TAFA2: variants seen among roughly 807,000 people sequenced by gnomAD.
TAFA2 encodes TAFA chemokine like family member 2.
Under a neutral mutation model 18.8 loss-of-function variants are expected in TAFA2, and 7 were observed. That is an observed-to-expected ratio of 0.37 (90% CI 0.21 to 0.70). The LOEUF (loss-of-function observed/expected upper bound fraction) is 0.70. Ranked by LOEUF, TAFA2 falls within the 30% of genes least tolerant of loss-of-function variation. TAFA2 has a pLI of 0.53. For missense variants in TAFA2, 122 were observed against 158.1 expected, an observed-to-expected ratio of 0.77 and a Z score of 1.23; for synonymous variants, 60 against 54.2, an observed-to-expected ratio of 1.11 and a Z score of -0.47.
chr12:62,090,945 A>G (rs535073717), intron 1 of TAFA2, among the ~76,000 whole-genome samples: 19 of 152,148 alleles, frequency 1.2e-4, no homozygotes, highest in African/African-American at 4.6e-4. Context: ...TTTACCTCAT[A>G]TATACAGATA....
chr12:62,221,429 A>C (rs1321379386), intron 1 of TAFA2, among the ~76,000 whole-genome samples: 1 of 152,154 alleles, frequency 6.6e-6, no homozygotes. Context: ...AGATACTAAG[A>C]CTTATTACTG....
intron 1 of TAFA2, among the ~76,000 whole-genome samples, chr12:61,912,295 G>A (rs1195820189): frequency 2.0e-5 from 3 of 152,144 alleles, no homozygotes; most frequent in Non-Finnish European, 2.9e-5. Flanking sequence ...TATTTGTGCT[G>A]TTCAATGTGG....
intron 2 of TAFA2, among the ~76,000 whole-genome samples, chr12:61,841,816 C>A (rs986827421): frequency 6.6e-6 from 1 of 152,008 alleles, no homozygotes; most frequent in African/African-American, 2.4e-5. Flanking sequence ...TTGATTTTTA[C>A]ATAGTGTATC....
intron 4 of TAFA2, among the ~76,000 whole-genome samples, chr12:61,714,309 G>A (rs1161987881): frequency 6.6e-6 from 1 of 152,128 alleles, no homozygotes; most frequent in African/African-American, 2.4e-5. Context: ...TTATTTGTGT[G>A]TGCTGCACAC....
rs370270103 is a variant in TAFA2 at position 61,795,088 on chromosome 12, T to C, written c.107-40064A>G. The stretch of plus-strand genomic sequence containing the variant: ...TAAAAAGTCAGGAAACAACAGGTGC[T>C]GGAGAGGATGTGGAGAAATAGGAAC... On this transcript the variant is annotated intron_variant, in intron 2 of 4. Coordinates refer to ENST00000416284, the MANE Select transcript of TAFA2 (RefSeq NM_178539.5). Among the ~76,000 whole-genome samples the C allele has an allele frequency of 2.8e-3, 419 of 152,242 alleles. 2 individuals are homozygous for C. The highest frequency in any genetic ancestry group is 9.5e-3 in the African/African-American group (393 of 41,552).
chr12:62,203,158 CT>C (rs1182017887), intron 1 of TAFA2, among the ~76,000 whole-genome samples: 1 of 152,136 alleles, frequency 6.6e-6, no homozygotes, highest in East Asian at 1.9e-4. Context: ...GAGGGGGTTT[CT>C]TAAGTCTTGA....
intron 1 of TAFA2, among the ~76,000 whole-genome samples, chr12:62,114,424 C>A (rs1210265598): frequency 6.6e-6 from 1 of 152,178 alleles, no homozygotes; most frequent in Non-Finnish European, 1.5e-5. Flanking sequence ...CAAATAGGAG[C>A]TGTTCCTATT....
At chr12:62,228,076 C>A (rs2062795628) in intron 1 of TAFA2, among the ~76,000 whole-genome samples, 1 of 152,072 alleles carries the variant, frequency 6.6e-6, no homozygotes, top group African/African-American at 2.4e-5. Flanking sequence ...TGTGTACATA[C>A]ACACACACTT....
intron 1 of TAFA2, among the ~76,000 whole-genome samples, chr12:61,870,916 C>G (rs1874571845): frequency 6.6e-6 from 1 of 152,172 alleles, no homozygotes; most frequent in African/African-American, 2.4e-5. Flanking sequence ...ATATAAGATT[C>G]CTAAAGACAG....
chr12:61,886,781 T>C (rs1054039150), intron 1 of TAFA2, among the ~76,000 whole-genome samples: 8 of 152,180 alleles, frequency 5.3e-5, no homozygotes, highest in Non-Finnish European at 1.2e-4. Flanking sequence ...ATAGTATGGT[T>C]CATGAATTGG....
At chr12:61,930,000 T>A (rs963075668) in intron 1 of TAFA2, among the ~76,000 whole-genome samples, 2 of 141,486 alleles carry the variant, frequency 1.4e-5, no homozygotes, top group Admixed American at 1.4e-4. Flanking sequence ...CTCTGGGGAC[T>A]GTTGTGGGGT....
chr12:61,805,124 G>A (rs1421137870), intron 2 of TAFA2, among the ~76,000 whole-genome samples: 1 of 151,786 alleles, frequency 6.6e-6, no homozygotes, highest in Non-Finnish European at 1.5e-5. Context: ...TATATGTCTG[G>A]TATTTACAAG....
intron 4 of TAFA2, among the ~76,000 whole-genome samples, chr12:61,718,000 G>A (rs145249012): frequency 3.7e-4 from 56 of 152,254 alleles, no homozygotes; most frequent in South Asian, 2.5e-3. Context: ...ATAAAATGTC[G>A]TTTTGATGGC....
At chr12:61,923,942 A>G (rs1196253889) in intron 1 of TAFA2, among the ~76,000 whole-genome samples, 2 of 151,736 alleles carry the variant, frequency 1.3e-5, no homozygotes, top group Non-Finnish European at 2.9e-5. Flanking sequence ...TGAAACATAC[A>G]CAAGTATCAA....
At chr12:62,168,631 T>C (rs1167409028) in intron 1 of TAFA2, among the ~76,000 whole-genome samples, 1 of 152,128 alleles carries the variant, frequency 6.6e-6, no homozygotes, top group African/African-American at 2.4e-5. Context: ...GCCCAGGCGT[T>C]TGAGACCAGT....
At chr12:61,952,235 G>C (rs1295963943) in intron 1 of TAFA2, among the ~76,000 whole-genome samples, 2 of 152,056 alleles carry the variant, frequency 1.3e-5, no homozygotes, top group East Asian at 3.9e-4. Flanking sequence ...CAGACTCTCT[G>C]ATGTAAAAAT....
At chr12:62,168,945 T>TACACACACAC (rs147184565) in intron 1 of TAFA2, among the ~76,000 whole-genome samples, 2,198 of 148,908 alleles carry the variant, frequency 0.015, 31 homozygotes, top group African/African-American at 0.033. Flanking sequence ...ACTCACTCTC[T>TACACACACAC]ACACACACAC....
At chr12:61,987,301 C>T (rs567280934) in intron 1 of TAFA2, among the ~76,000 whole-genome samples, 1 of 152,312 alleles carries the variant, frequency 6.6e-6, no homozygotes, top group East Asian at 1.9e-4. Flanking sequence ...AAAAGTATCT[C>T]TGGTTTCTGT....
At chr12:61,921,488 T>G (rs887604659) in intron 1 of TAFA2, among the ~76,000 whole-genome samples, 1 of 152,124 alleles carries the variant, frequency 6.6e-6, no homozygotes, top group Non-Finnish European at 1.5e-5. Context: ...CTGTGTGAAA[T>G]GGAAAAGGCT....
Sources: gnomAD v4.1 joint callset for allele counts (sites outside exome capture counted in the v4.1 genomes callset) on GRCh38, gnomAD v4.1.1 for gene constraint, MANE v1.5 for transcripts, NCBI Gene and HGNC (gene_info 2026-07-23, HGNC 2026-07-21) for gene names.